The following MINK1 variants were observed in gnomAD, a reference collection of about 807,000 sequenced individuals.
The protein encoded by MINK1 is misshapen-like kinase 1.
A neutral mutation model predicts 178.4 loss-of-function variants in MINK1; 46 were observed. The ratio of observed to expected loss-of-function variants is 0.26; its 90% CI spans 0.20 to 0.33. MINK1 has a LOEUF of 0.33. MINK1 is among the 10% of genes least tolerant of loss of function. MINK1 has a pLI of 1.00. For synonymous variants in MINK1, 797 were observed against 709.7 expected (o/e 1.12, Z -1.96); for missense variants, 1,366 against 1,814.9 (o/e 0.75, Z 4.49).
In MINK1 at chr17:4,895,920, G is replaced by A; in HGVS notation, c.3365-83G>A. ...GAGCCAGGGACTTGGGGCCTGGGTG[G>A]GGCAGTGTAGTGACAGACCACGGGG... On this transcript the variant is annotated intron_variant, in intron 27 of 31. Transcript: ENST00000355280. The surrounding 1 kb of genome is among the most constrained non-coding windows in gnomAD (Gnocchi z 4.3). 1.3e-6 allele frequency: 2 copies of A among 1,572,618 alleles called. No individual in the cohort carries two copies. Among genetic ancestry groups the A allele is most frequent in the East Asian group, 2.3e-5 (1 of 43,026 alleles).
intron 1 of MINK1, among the ~76,000 whole-genome samples, chr17:4,871,623 T>C (rs1915867094): frequency 6.6e-6 from 1 of 152,222 alleles, no homozygotes; most frequent in African/African-American, 2.4e-5. Flanking sequence ...TTAATAATCC[T>C]CCTGTGGGCA....
rs541566912 is a variant in MINK1, at chr17:4,865,071, C to G, written c.58-13246C>G. ...GGCAGCAGCAGGAGGAGTGTCACTC[C>G]ATACGTTTTTATTTTTATCTTTACT... is the stretch of plus-strand genomic sequence containing the variant. On this transcript the variant is annotated intron_variant, in intron 1 of 31. Coordinates refer to ENST00000355280, the MANE Select transcript of MINK1 (RefSeq NM_153827.5). 2.6e-5 allele frequency among the ~76,000 whole-genome samples: 4 copies of G among 152,284 alleles called. No individual in the cohort carries two copies. In the East Asian group the frequency reaches 5.8e-4, roughly 22 times the overall value.
At position 4,896,880 on chromosome 17, in the gene MINK1, A is replaced by G; in HGVS notation, c.3915+67A>G. 6.7e-7 allele frequency: 1 copy of G among 1,493,566 alleles called. No individual in the cohort carries two copies. Among genetic ancestry groups the G allele is most frequent in the Non-Finnish European group, 8.9e-7 (1 of 1,123,336 alleles). The allele number at this position is 1,493,566 out of a possible 1,614,324, so 92.5% of individuals were successfully genotyped here. On this transcript the variant is annotated intron_variant, in intron 31 of 31. Transcript: ENST00000355280. This position sits in a 1 kb window ranked among gnomAD's most constrained non-coding sequence, Gnocchi z 4.6. ...GCCATGACCCTAGGCCCCTGGGCAG[A>G]GTTCTGGGGAGAGGATGGTGGTGGT...
intron 1 of MINK1, among the ~76,000 whole-genome samples, chr17:4,838,809 G>A (rs1909688671): frequency 6.6e-6 from 1 of 152,106 alleles, no homozygotes; most frequent in South Asian, 2.1e-4. Context: ...GCCAAGCATT[G>A]GCAGTCTATG....
intron 1 of MINK1, among the ~76,000 whole-genome samples, chr17:4,862,432 A>T (rs1338772923): frequency 3.3e-5 from 5 of 152,136 alleles, no homozygotes; most frequent in Non-Finnish European, 7.3e-5. Flanking sequence ...AGACGGGTGG[A>T]TCACCTGAGG....
At position 4,897,539 on chromosome 17, in the gene MINK1, C is replaced by G; in HGVS notation, c.*252C>G. The G allele has an allele frequency of 2.0e-6, 1 of 493,290 alleles. No individual in the cohort carries two copies. Among genetic ancestry groups the G allele is most frequent in the Non-Finnish European group, 3.6e-6 (1 of 274,586 alleles). 30.6% of individuals were successfully genotyped at this position (493,290 alleles called of 1,614,324 possible). A position where few individuals can be genotyped will look rare whatever the true frequency, so the allele number is the denominator to read the frequency against. Reference sequence around the variant, plus strand: ...GGGGAGGGACACAGCTTCCCCTTCCCAGGAATTGAGTGGGCCTAGCCCCTC... The same window carrying G: ...GGGGAGGGACACAGCTTCCCCTTCCGAGGAATTGAGTGGGCCTAGCCCCTC... On this transcript the variant is annotated 3_prime_UTR_variant, in exon 32 of 32. Coordinates refer to ENST00000355280, the MANE Select transcript of MINK1 (RefSeq NM_153827.5).
Position 4,895,187 on chromosome 17 carries a change from G to A in MINK1, c.3030G>A (p.Glu1010=), listed in dbSNP as rs1969323532. 6.2e-7 allele frequency: 1 copy of A among 1,614,134 alleles called. No individual in the cohort carries two copies. Among genetic ancestry groups the A allele is most frequent in the Non-Finnish European group, 8.5e-7 (1 of 1,180,022 alleles). The change falls in exon 25 of 32, where the codon GAG becomes GAA. Residue 1010 remains glutamate, a synonymous_variant. Coordinates refer to ENST00000355280, the MANE Select transcript of MINK1 (RefSeq NM_153827.5). The surrounding 1 kb of genome is among the most constrained non-coding windows in gnomAD (Gnocchi z 4.3). ...TNTRAHSETP[E]IRKYKKRFNS... Reference sequence around the variant, plus strand: ...CCCGGGCCCACAGTGAGACCCCTGAGATCCGGAAGTACAAGAAGCGATTCA... The same window carrying A: ...CCCGGGCCCACAGTGAGACCCCTGAAATCCGGAAGTACAAGAAGCGATTCA...
intron 1 of MINK1, chr17:4,875,265 C>T: frequency 4.1e-6 from 2 of 493,598 alleles, no homozygotes; most frequent in South Asian, 2.9e-5. Flanking sequence ...CCCTGCACTG[C>T]AGTGACAACA....
intron 13 of MINK1, 107 bp from the exon 14 acceptor site, chr17:4,890,410 A>C (rs1274728513): frequency 2.0e-6 from 3 of 1,475,440 alleles, no homozygotes; most frequent in Non-Finnish European, 2.7e-6. Flanking sequence ...CAGGACATCA[A>C]GGGAATACAT....
In MINK1 at chr17:4,886,880, T is replaced by C. The variant is rs1968257212; in HGVS notation, c.950-230T>C. Among the ~76,000 whole-genome samples the C allele has an allele frequency of 6.6e-6, 1 of 152,202 alleles. No individual in the cohort carries two copies. Among genetic ancestry groups the C allele is most frequent in the South Asian group, 2.1e-4 (1 of 4,828 alleles). The stretch of plus-strand genomic sequence containing the variant: ...AAACTCCATGCTAAGCACATGTGTG[T>C]GCGAGCACAAGCACAGGCTCTGCCA... On this transcript the variant is annotated intron_variant, in intron 10 of 31. Transcript: ENST00000355280. The surrounding 1 kb of genome is among the most constrained non-coding windows in gnomAD (Gnocchi z 6.1).
In MINK1 at chr17:4,897,672, C is replaced by G. The variant is rs909152886; in HGVS notation, c.*385C>G. ...CCCTTTATTTGCACGTCAGGGGAGC[C>G]GGCTCCCCCCTTGAATGTACCAGAC... On this transcript the variant is annotated 3_prime_UTR_variant, in exon 32 of 32. Transcript: ENST00000355280. The G allele has an allele frequency of 3.0e-5, 5 of 165,744 alleles. No homozygotes were observed. The Admixed American group carries it at 3.2e-4, about 11-fold the overall frequency. 10.3% of individuals were successfully genotyped at this position (165,744 alleles called of 1,614,324 possible).
chr17:4,853,657 G>A (rs1467546274), intron 1 of MINK1, among the ~76,000 whole-genome samples: 3 of 152,086 alleles, frequency 2.0e-5, no homozygotes, highest in Non-Finnish European at 4.4e-5. Context: ...GACTGTGAAA[G>A]CACCCTGTGA....
intron 1 of MINK1, among the ~76,000 whole-genome samples, chr17:4,869,460 A>G (rs1915560919): frequency 6.6e-6 from 1 of 150,682 alleles, no homozygotes; most frequent in African/African-American, 2.4e-5. Flanking sequence ...CTTTTTATAG[A>G]GACACGGGGT....
intron 1 of MINK1, among the ~76,000 whole-genome samples, chr17:4,863,772 A>G (rs769190960): frequency 7.4e-6 from 1 of 135,688 alleles, no homozygotes; most frequent in Non-Finnish European, 1.6e-5. Context: ...AAAAATTGCT[A>G]GCTGTCTCAT....
At position 4,891,191 on chromosome 17, in the gene MINK1, C is replaced by T. The variant is rs993819204; in HGVS notation, c.1740+67C>T. ...GCTTTGTTCAGAGCACAGGTACACA[C>T]ACACGCGCGCACACACACACACACA... is the stretch of plus-strand genomic sequence containing the variant. On this transcript the variant is annotated intron_variant, in intron 15 of 31. Transcript: ENST00000355280. The T allele has an allele frequency of 2.1e-5, 24 of 1,123,380 alleles. No homozygotes were observed. In the South Asian group the frequency reaches 3.5e-4, roughly 16 times the overall value. 69.6% of individuals were successfully genotyped at this position (1,123,380 alleles called of 1,614,324 possible). A position where few individuals can be genotyped will look rare whatever the true frequency, so the allele number is the denominator to read the frequency against.
At chr17:4,844,725 T>C (rs1232543842) in intron 1 of MINK1, 11 of 321,396 alleles carry the variant, frequency 3.4e-5, no homozygotes, top group Non-Finnish European at 6.7e-5. Flanking sequence ...TGCAGAAGAC[T>C]TCAGAATATT....
rs189689284 is a variant in MINK1 at position 4,897,059 on chromosome 17, G to C, written c.3916-145G>C. On this transcript the variant is annotated intron_variant, in intron 31 of 31. Transcript: ENST00000355280. ...TAACATCCCAGCCTGCCTTTCCTCC[G>C]GGTGAGGGGCACTGTGAGTCTCCTC... 3.0e-5 allele frequency: 26 copies of C among 871,926 alleles called. No individual in the cohort carries two copies. The Admixed American group carries it at 5.1e-4, about 17-fold the overall frequency. 54.0% of individuals were successfully genotyped at this position (871,926 alleles called of 1,614,324 possible). A position where few individuals can be genotyped will look rare whatever the true frequency, so the allele number is the denominator to read the frequency against.
chr17:4,870,754 G>A (rs1915765970), intron 1 of MINK1, among the ~76,000 whole-genome samples: 1 of 152,116 alleles, frequency 6.6e-6, no homozygotes, highest in Non-Finnish European at 1.5e-5. Context: ...GAGCTCAGGA[G>A]GTGGAGGTTG....
chr17:4,892,937 C>A, intron 19 of MINK1, 42 bp from the exon 20 acceptor site: 1 of 1,503,446 alleles, frequency 6.7e-7, no homozygotes, highest in Non-Finnish European at 9.1e-7. Flanking sequence ...GAGGCCATCC[C>A]TTGTTCAGGC....
Sources: allele counts gnomAD v4.1 joint callset (sites outside exome capture counted in the v4.1 genomes callset), GRCh38; gene constraint gnomAD v4.1.1; non-coding constraint Gnocchi (gnomAD v3.1); transcripts MANE v1.5; gene names NCBI Gene and HGNC (gene_info 2026-07-23, HGNC 2026-07-21).